NRG1: variants seen among roughly 807,000 people sequenced by gnomAD.
The protein encoded by NRG1 is pro-neuregulin-1, membrane-bound isoform.
Under a neutral mutation model 63.8 loss-of-function variants are expected in NRG1, and 18 were observed. That is an observed-to-expected ratio of 0.28 (90% CI 0.19 to 0.42). NRG1 has a LOEUF of 0.42. Ranked by LOEUF, NRG1 falls within the 10% of genes least tolerant of loss-of-function variation. The probability of loss-of-function intolerance (pLI) is 1.00; values close to 1 mark genes in which losing one functional copy is unlikely to be tolerated. For synonymous variants in NRG1, 302 were observed against 301.3 expected, an observed-to-expected ratio of 1.00 and a Z score of -0.02; for missense variants, 762 against 814.7, an observed-to-expected ratio of 0.94 and a Z score of 0.79.
intron 1 of NRG1, among the ~76,000 whole-genome samples, chr8:32,162,435 G>A (rs1261757406): frequency 1.3e-5 from 2 of 152,056 alleles, no homozygotes; most frequent in Non-Finnish European, 2.9e-5. Context: ...ATACAGAATG[G>A]CATTACAACA....
chr8:32,130,239 A>G (rs1167897584), intron 1 of NRG1, among the ~76,000 whole-genome samples: 1 of 151,934 alleles, frequency 6.6e-6, no homozygotes, highest in African/African-American at 2.4e-5. Flanking sequence ...CCTAAGCCTC[A>G]TATTATGAAA....
At chr8:32,333,825 G>T (rs1802933464) in intron 1 of NRG1, among the ~76,000 whole-genome samples, 1 of 152,046 alleles carries the variant, frequency 6.6e-6, no homozygotes, top group Non-Finnish European at 1.5e-5. Flanking sequence ...CGAAATGTAT[G>T]TTCTTCCCAT....
intron 1 of NRG1, among the ~76,000 whole-genome samples, chr8:32,454,957 T>A (rs1209002607): frequency 6.6e-6 from 1 of 152,226 alleles, no homozygotes; most frequent in Non-Finnish European, 1.5e-5. Context: ...TAAATACTTA[T>A]CCTTGTATTA....
chr8:31,695,158 T>C (rs535602614), intron 1 of NRG1, among the ~76,000 whole-genome samples: 55 of 152,154 alleles, frequency 3.6e-4, no homozygotes, highest in African/African-American at 1.3e-3. Context: ...AAAGGAGAAG[T>C]GCTACACACT....
intron 1 of NRG1, among the ~76,000 whole-genome samples, chr8:32,450,159 C>T (rs2129488022): frequency 6.6e-6 from 1 of 152,270 alleles, no homozygotes; most frequent in South Asian, 2.1e-4. Flanking sequence ...TTTTATTGAG[C>T]ACTTTAAGTG....
chr8:32,637,111 T>C (rs1258007217), intron 5 of NRG1, among the ~76,000 whole-genome samples: 1 of 152,138 alleles, frequency 6.6e-6, no homozygotes, highest in Admixed American at 6.6e-5. Context: ...ATTATGAAAT[T>C]TTCAAACATA....
chr8:32,153,798 T>G (rs1463929971), intron 1 of NRG1, among the ~76,000 whole-genome samples: 1 of 152,154 alleles, frequency 6.6e-6, no homozygotes, highest in African/African-American at 2.4e-5. Context: ...TTGTTGGATA[T>G]CAAAAGAAAT....
At chr8:31,672,048 C>T (rs906918179) in intron 1 of NRG1, among the ~76,000 whole-genome samples, 3 of 152,046 alleles carry the variant, frequency 2.0e-5, no homozygotes, top group African/African-American at 7.2e-5. Flanking sequence ...AATTAAATTT[C>T]CTGTCTATTT....
At position 31,708,028 on chromosome 8, in the gene NRG1, G is replaced by C. The variant is rs970720796; in HGVS notation, c.37+68597G>C. Among the ~76,000 whole-genome samples the C allele has an allele frequency of 5.0e-4, 76 of 151,908 alleles. 1 individual carries two copies. The highest frequency in any genetic ancestry group is 1.8e-3 in the African/African-American group (76 of 41,426). On this transcript the variant is annotated intron_variant, in intron 1 of 10. Transcript: ENST00000519301. ...AAATTTTGTCATAAAGCATGATAAT[G>C]GTTTTTGGTCTCGGTTGGCTGTATT...
intron 1 of NRG1, among the ~76,000 whole-genome samples, chr8:32,505,720 C>A (rs1331218757): frequency 6.6e-6 from 1 of 152,184 alleles, no homozygotes; most frequent in Non-Finnish European, 1.5e-5. Flanking sequence ...CAATCACAGA[C>A]TTGTGGACCT....
chr8:32,756,763 T>C (rs1829774831), intron 9 of NRG1, among the ~76,000 whole-genome samples: 1 of 152,168 alleles, frequency 6.6e-6, no homozygotes, highest in Non-Finnish European at 1.5e-5. Context: ...GTTGGAATAA[T>C]AGTGTTGGGT....
chr8:32,615,632 A>G (rs1263654362), intron 4 of NRG1, among the ~76,000 whole-genome samples: 1 of 152,082 alleles, frequency 6.6e-6, no homozygotes, highest in Non-Finnish European at 1.5e-5. Flanking sequence ...AGAATGACCT[A>G]TAATCAACAT....
At chr8:31,837,944 C>T (rs1232261955) in intron 1 of NRG1, among the ~76,000 whole-genome samples, 3 of 152,002 alleles carry the variant, frequency 2.0e-5, no homozygotes, top group Non-Finnish European at 4.4e-5. Context: ...ATAACATGAG[C>T]ATGCAGATGT....
Position 31,726,560 on chromosome 8 carries a change from C to G in NRG1, c.37+87129C>G, listed in dbSNP as rs182979006. ...ATAAAGCTCCACTGGTGACCTGGGT[C>G]AAGTTTTGCAATACAGAATTTGAGG... is the stretch of plus-strand genomic sequence containing the variant. On this transcript the variant is annotated intron_variant, in intron 1 of 10. Transcript: ENST00000519301. Among the ~76,000 whole-genome samples the G allele has an allele frequency of 7.9e-3, 1,199 of 152,050 alleles. 9 individuals are homozygous for G. Among genetic ancestry groups the G allele is most frequent in the African/African-American group, 0.027 (1,138 of 41,460 alleles).
chr8:32,090,560 T>C (rs1587044742), intron 1 of NRG1, among the ~76,000 whole-genome samples: 1 of 152,098 alleles, frequency 6.6e-6, no homozygotes, highest in Admixed American at 6.5e-5. Context: ...ACCTCAGGTG[T>C]TCTGCCGGCC....
intron 1 of NRG1, among the ~76,000 whole-genome samples, chr8:32,357,508 T>G (rs577546523): frequency 6.6e-6 from 1 of 152,334 alleles, no homozygotes; most frequent in African/African-American, 2.4e-5. Flanking sequence ...TTTATTTCCC[T>G]TTTATTGAGC....
chr8:32,167,124 A>G (rs1185096918), intron 1 of NRG1, among the ~76,000 whole-genome samples: 1 of 152,200 alleles, frequency 6.6e-6, no homozygotes, highest in Non-Finnish European at 1.5e-5. Context: ...CAGTGGTGTT[A>G]TATAATAAGG....
intron 1 of NRG1, among the ~76,000 whole-genome samples, chr8:32,126,577 G>T (rs1563816363): frequency 6.6e-6 from 1 of 151,822 alleles, no homozygotes; most frequent in Non-Finnish European, 1.5e-5. Context: ...TAATAAGCCA[G>T]TGTGTCCTGT....
At position 32,341,619 on chromosome 8, in the gene NRG1, G is replaced by C. The variant is rs557432721; in HGVS notation, c.38-254209G>C. Among the ~76,000 whole-genome samples, 275 of 152,256 alleles carry C rather than the reference G, an allele frequency of 1.8e-3. 1 individual carries two copies. The highest frequency in any genetic ancestry group is 6.8e-3 in the Middle Eastern group (2 of 292). ...CCTGCCTAGTTGCCCAGGCCACATA[G>C]GCACAGGCAGGGGAGCTGGCTGATC... On this transcript the variant is annotated intron_variant, in intron 1 of 10. Transcript: ENST00000519301.
Sources: gnomAD v4.1 joint callset for allele counts (sites outside exome capture counted in the v4.1 genomes callset) on GRCh38, gnomAD v4.1.1 for gene constraint, MANE v1.5 for transcripts, NCBI Gene and HGNC (gene_info 2026-07-23, HGNC 2026-07-21) for gene names.